The following YAP1 variants were observed in gnomAD, a reference collection of about 807,000 sequenced individuals.
YAP1 encodes the protein transcriptional coactivator YAP1.
YAP1 carries 5 observed loss-of-function variants against 56.9 expected under a neutral mutation model. The ratio of observed to expected loss-of-function variants is 0.09; its 90% CI spans 0.05 to 0.18. YAP1 has a LOEUF of 0.18. Among genes scored for constraint, YAP1 ranks in the 10% least tolerant of loss-of-function variants. YAP1 has a pLI of 1.00. For synonymous variants in YAP1, 265 were observed against 248.1 expected (o/e 1.07, Z -0.64); for missense variants, 539 against 651.8 (o/e 0.83, Z 1.88).
At chr11:102,196,236 G>A (rs1204801327) in intron 4 of YAP1, among the ~76,000 whole-genome samples, 2 of 152,016 alleles carry the variant, frequency 1.3e-5, no homozygotes, top group Non-Finnish European at 2.9e-5. Flanking sequence ...TTGTGGGAAC[G>A]TATGTCTCCA....
chr11:102,149,585 A>G (rs1401737113), intron 2 of YAP1, among the ~76,000 whole-genome samples: 1 of 152,200 alleles, frequency 6.6e-6, no homozygotes, highest in Admixed American at 6.5e-5. Flanking sequence ...CTTTTAAGGT[A>G]TATGTGAAAT....
chr11:102,132,347 T>A (rs1003723428), intron 2 of YAP1, among the ~76,000 whole-genome samples: 1 of 152,238 alleles, frequency 6.6e-6, no homozygotes, highest in African/African-American at 2.4e-5. Flanking sequence ...TGACATTGCA[T>A]CTCAAGAGAG....
At chr11:102,180,097 A>G (rs1281801109) in intron 3 of YAP1, among the ~76,000 whole-genome samples, 4 of 148,136 alleles carry the variant, frequency 2.7e-5, no homozygotes, top group Admixed American at 2.0e-4. Context: ...GCAACCTCCA[A>G]CTCCCGGGTA....
chr11:102,186,489 G>A (rs1947955761), intron 4 of YAP1: 1 of 278,536 alleles, frequency 3.6e-6, no homozygotes, highest in African/African-American at 2.3e-5. Context: ...CTCAGACCAG[G>A]AGTACCAGCT....
At chr11:102,129,883 A>ACCTCCG (rs1185290675) in intron 2 of YAP1, among the ~76,000 whole-genome samples, 24 of 148,830 alleles carry the variant, frequency 1.6e-4, no homozygotes, top group African/African-American at 6.0e-4. Context: ...GCTCACTGCA[A>ACCTCCG]CCTCCGCCTC....
At chr11:102,201,854 C>T (rs1948877771) in intron 4 of YAP1, among the ~76,000 whole-genome samples, 1 of 151,868 alleles carries the variant, frequency 6.6e-6, no homozygotes, top group Admixed American at 6.6e-5. Flanking sequence ...AGTAATGTCT[C>T]TAAATACCAT....
intron 2 of YAP1, among the ~76,000 whole-genome samples, chr11:102,157,414 C>T (rs1946019027): frequency 6.6e-6 from 1 of 152,160 alleles, no homozygotes; most frequent in Non-Finnish European, 1.5e-5. Flanking sequence ...GCATGTGACT[C>T]TATAACACTT....
At chr11:102,227,340 A>T in intron 7 of YAP1, 129 bp from the exon 8 acceptor site, 1 of 662,854 alleles carries the variant, frequency 1.5e-6, no homozygotes. Context: ...CTTGTTTCAG[A>T]CATTGCAGGA....
chr11:102,207,264 A>T (rs1465543000), intron 5 of YAP1, among the ~76,000 whole-genome samples: 1 of 152,150 alleles, frequency 6.6e-6, no homozygotes, highest in Non-Finnish European at 1.5e-5. Flanking sequence ...GGGCCTAAAT[A>T]ACTATGAGTT....
chr11:102,197,351 A>G (rs1450606599), intron 4 of YAP1, among the ~76,000 whole-genome samples: 1 of 152,218 alleles, frequency 6.6e-6, no homozygotes, highest in African/African-American at 2.4e-5. Context: ...ACCCAGTAAG[A>G]TTACTAGAAT....
intron 3 of YAP1, among the ~76,000 whole-genome samples, chr11:102,169,971 T>A (rs554504610): frequency 6.6e-6 from 1 of 152,376 alleles, no homozygotes; most frequent in South Asian, 2.1e-4. Flanking sequence ...GTAATTCAGT[T>A]ATAATATCCA....
Position 102,231,658 on chromosome 11 carries a change from G to A in YAP1, c.*1718G>A, listed in dbSNP as rs1325647002. 6.6e-6 allele frequency: 1 copy of A among 152,558 alleles called. No homozygotes were observed. The highest frequency in any genetic ancestry group is 2.4e-5 in the African/African-American group (1 of 41,432). 9.5% of individuals were successfully genotyped at this position (152,558 alleles called of 1,614,324 possible). Reference sequence around the variant, plus strand: ...AGCATGAATTAACTCTTCAATATAAGCTATGAAGTAATAGTTGGTTGTGAA... The same window carrying A: ...AGCATGAATTAACTCTTCAATATAAACTATGAAGTAATAGTTGGTTGTGAA... On this transcript the variant is annotated 3_prime_UTR_variant, in exon 9 of 9. Coordinates refer to ENST00000282441, the MANE Select transcript of YAP1 (RefSeq NM_001130145.3).
intron 2 of YAP1, among the ~76,000 whole-genome samples, chr11:102,143,204 C>T (rs764106962): frequency 3.9e-5 from 6 of 152,020 alleles, no homozygotes; most frequent in Non-Finnish European, 5.9e-5. Flanking sequence ...GACTATATTG[C>T]GTTTTCTGTA....
chr11:102,222,747 G>A (rs2135698578), intron 6 of YAP1, among the ~76,000 whole-genome samples: 1 of 152,048 alleles, frequency 6.6e-6, no homozygotes, highest in East Asian at 1.9e-4. Context: ...ATCCAGCTCA[G>A]GATAGAAAAA....
intron 6 of YAP1, among the ~76,000 whole-genome samples, chr11:102,213,534 C>T (rs1047585727): frequency 6.6e-6 from 1 of 152,024 alleles, no homozygotes; most frequent in Non-Finnish European, 1.5e-5. Flanking sequence ...TTCCCTAGTA[C>T]CTATGAGATC....
intron 3 of YAP1, among the ~76,000 whole-genome samples, chr11:102,179,655 C>A (rs529169877): frequency 6.6e-6 from 1 of 152,192 alleles, no homozygotes; most frequent in Non-Finnish European, 1.5e-5. Context: ...AAAACTGTTT[C>A]CCATTTTTCT....
At chr11:102,183,389 C>A (rs1267111899) in intron 3 of YAP1, among the ~76,000 whole-genome samples, 1 of 152,088 alleles carries the variant, frequency 6.6e-6, no homozygotes, top group Non-Finnish European at 1.5e-5. Context: ...TAGGAATGTT[C>A]TTTAGTAAGA....
intron 2 of YAP1, among the ~76,000 whole-genome samples, chr11:102,153,014 G>A (rs76622023): frequency 0.015 from 2,241 of 152,300 alleles, 79 homozygotes; most frequent in African/African-American, 0.05. Flanking sequence ...CGGAGATACT[G>A]TGTGAACAAG....
At chr11:102,121,298 A>T (rs185098782) in intron 2 of YAP1, among the ~76,000 whole-genome samples, 141 of 152,134 alleles carry the variant, frequency 9.3e-4, no homozygotes, top group South Asian at 7.9e-3. Context: ...AAATTAGCCG[A>T]GCATGGTGGC....
Sources: gnomAD v4.1 joint callset for allele counts (sites outside exome capture counted in the v4.1 genomes callset) on GRCh38, gnomAD v4.1.1 for gene constraint, MANE v1.5 for transcripts, NCBI Gene and HGNC (gene_info 2026-07-23, HGNC 2026-07-21) for gene names.